The following GRIN2B variants were observed in gnomAD, a reference collection of about 807,000 sequenced individuals.
GRIN2B encodes glutamate ionotropic receptor NMDA type subunit 2B, also known as glutamate receptor ionotropic, NMDA 2B.
A neutral mutation model predicts 114.5 loss-of-function variants in GRIN2B; 5 were observed. The ratio of observed to expected loss-of-function variants is 0.04; its 90% confidence interval spans 0.02 to 0.09. GRIN2B has a LOEUF of 0.09. Ranked by LOEUF, GRIN2B falls within the 10% of genes least tolerant of loss-of-function variation. The pLI, the probability that GRIN2B is intolerant of heterozygous loss-of-function variation, is 1.00. For synonymous variants in GRIN2B, 787 were observed against 745.1 expected (o/e 1.06, Z -0.92); for missense variants, 1,108 against 1,943.5 (o/e 0.57, Z 8.08).
At chr12:13,740,633 G>A (rs1318543197) in intron 4 of GRIN2B, among the ~76,000 whole-genome samples, 10 of 151,964 alleles carry the variant, frequency 6.6e-5, no homozygotes, top group Admixed American at 5.9e-4. Flanking sequence ...GTCTTGTTTT[G>A]TTCTATTGCA....
At chr12:13,734,515 C>G (rs1002133022) in intron 4 of GRIN2B, among the ~76,000 whole-genome samples, 1 of 152,324 alleles carries the variant, frequency 6.6e-6, no homozygotes, top group East Asian at 1.9e-4. Flanking sequence ...GAGTCATTTT[C>G]ACACATGAAG....
At chr12:13,712,167 G>A (rs1950420335) in intron 4 of GRIN2B, among the ~76,000 whole-genome samples, 1 of 150,088 alleles carries the variant, frequency 6.7e-6, no homozygotes, top group African/African-American at 2.5e-5. Flanking sequence ...CTCATAGGTG[G>A]GAATTGAACA....
At chr12:13,831,419 T>C (rs1865143261) in intron 3 of GRIN2B, among the ~76,000 whole-genome samples, 1 of 152,172 alleles carries the variant, frequency 6.6e-6, no homozygotes, top group South Asian at 2.1e-4. Context: ...TATTAACTGC[T>C]GGTGATCCTC....
intron 2 of GRIN2B, among the ~76,000 whole-genome samples, chr12:13,957,409 C>T (rs1867612039): frequency 6.6e-6 from 1 of 152,166 alleles, no homozygotes; most frequent in Admixed American, 6.5e-5. Context: ...CCATAAAGCA[C>T]TACTGAGGTA....
At chr12:13,780,681 G>A (rs1325534263) in intron 3 of GRIN2B, among the ~76,000 whole-genome samples, 3 of 152,102 alleles carry the variant, frequency 2.0e-5, no homozygotes, top group South Asian at 2.1e-4. Flanking sequence ...TGACGTGGCA[G>A]GAGAATTTAC....
Position 13,633,572 on chromosome 12 carries a change from G to A in GRIN2B, c.1126-16915C>T, listed in dbSNP as rs532458942. Reference sequence around the variant, plus strand: ...AAGATTTTAATATTTACCAGGTATCGCCTGCCTGACCTGCAGCCAGCTGGT... The same window carrying A: ...AAGATTTTAATATTTACCAGGTATCACCTGCCTGACCTGCAGCCAGCTGGT... On this transcript the variant is annotated intron_variant, in intron 5 of 13. Transcript: ENST00000609686. 1.5e-4 allele frequency among the ~76,000 whole-genome samples: 23 copies of A among 152,256 alleles called. No individual in the cohort carries two copies. The East Asian group carries it at 1.5e-3, about 10-fold the overall frequency.
At chr12:13,859,032 T>C (rs1182946824) in intron 3 of GRIN2B, among the ~76,000 whole-genome samples, 1 of 152,234 alleles carries the variant, frequency 6.6e-6, no homozygotes. Context: ...AGATGGCATA[T>C]ACTAAGCACC....
chr12:13,956,264 G>A (rs940894666), intron 2 of GRIN2B, among the ~76,000 whole-genome samples: 1 of 152,172 alleles, frequency 6.6e-6, no homozygotes, highest in Non-Finnish European at 1.5e-5. Context: ...CAAAGGCCGT[G>A]AGAGATGAAC....
chr12:13,786,612 C>A (rs1444235990), intron 3 of GRIN2B, among the ~76,000 whole-genome samples: 1 of 151,790 alleles, frequency 6.6e-6, no homozygotes, highest in Admixed American at 6.6e-5. Flanking sequence ...AGGCTAGGGG[C>A]TGAGAAAGGC....
chr12:13,867,172 T>TC (rs761087935), intron 2 of GRIN2B, among the ~76,000 whole-genome samples: 35 of 152,294 alleles, frequency 2.3e-4, no homozygotes, highest in Admixed American at 4.6e-4. Flanking sequence ...TGAAAAATGT[T>TC]CCTTTTTTTT....
At chr12:13,769,166 A>G (rs1231608334) in intron 3 of GRIN2B, among the ~76,000 whole-genome samples, 1 of 152,200 alleles carries the variant, frequency 6.6e-6, no homozygotes, top group African/African-American at 2.4e-5. Context: ...ATCTGCCTCC[A>G]TGACGTTTAC....
chr12:13,790,731 G>GCC (rs1248731778), intron 3 of GRIN2B, among the ~76,000 whole-genome samples: 3 of 152,150 alleles, frequency 2.0e-5, no homozygotes, highest in Non-Finnish European at 2.9e-5. Flanking sequence ...TACACAGTAG[G>GCC]AACTTCAGAC....
chr12:13,739,237 G>A (rs781005376), intron 4 of GRIN2B, among the ~76,000 whole-genome samples: 3 of 151,428 alleles, frequency 2.0e-5, no homozygotes, highest in Non-Finnish European at 4.4e-5. Context: ...AAAATTAGTC[G>A]GGCATGGTGG....
At chr12:13,921,323 G>A (rs1003149129) in intron 2 of GRIN2B, among the ~76,000 whole-genome samples, 4 of 152,094 alleles carry the variant, frequency 2.6e-5, no homozygotes, top group South Asian at 2.1e-4. Context: ...GCTTGAACCC[G>A]GGAGGCAGAA....
chr12:13,689,688 T>C (rs1229440344), intron 4 of GRIN2B, among the ~76,000 whole-genome samples: 4 of 152,160 alleles, frequency 2.6e-5, no homozygotes, highest in African/African-American at 7.2e-5. Context: ...ACATCTCCAA[T>C]GGCTCCGCAC....
At chr12:13,970,940 G>A (rs1013366931) in intron 2 of GRIN2B, among the ~76,000 whole-genome samples, 5 of 152,096 alleles carry the variant, frequency 3.3e-5, no homozygotes, top group Non-Finnish European at 7.4e-5. Flanking sequence ...AACAATTCTG[G>A]AGCCTCTAAC....
At chr12:13,933,556 A>G (rs1591629367) in intron 2 of GRIN2B, among the ~76,000 whole-genome samples, 1 of 152,272 alleles carries the variant, frequency 6.6e-6, no homozygotes, top group Non-Finnish European at 1.5e-5. Flanking sequence ...CCCAAATGCA[A>G]CCCACTAGCC....
chr12:13,636,856 T>C (rs1327752923), intron 5 of GRIN2B, among the ~76,000 whole-genome samples: 1 of 152,200 alleles, frequency 6.6e-6, no homozygotes, highest in African/African-American at 2.4e-5. Flanking sequence ...ATATTAATAA[T>C]ACCTAAATCA....
chr12:13,782,378 ACT>A (rs1433150782), intron 3 of GRIN2B, among the ~76,000 whole-genome samples: 1 of 151,644 alleles, frequency 6.6e-6, no homozygotes, highest in Non-Finnish European at 1.5e-5. Flanking sequence ...GGCTTCTGTG[ACT>A]CTCAACATTT....
Sources: gnomAD v4.1 joint callset for allele counts (sites outside exome capture counted in the v4.1 genomes callset) on GRCh38, gnomAD v4.1.1 for gene constraint, MANE v1.5 for transcripts, NCBI Gene and HGNC (gene_info 2026-07-23, HGNC 2026-07-21) for gene names.